RPS6KA2: variants seen among roughly 807,000 people sequenced by gnomAD.
RPS6KA2 encodes ribosomal protein S6 kinase alpha-2.
RPS6KA2 carries 42 observed loss-of-function variants against 91.8 expected under a neutral mutation model. The observed-to-expected ratio is 0.46, with a 90% CI of 0.36 to 0.59. The LOEUF is 0.59. RPS6KA2 is among the 20% of genes least tolerant of loss of function. The pLI is 0.00. For missense variants in RPS6KA2, 798 were observed against 978.5 expected (o/e 0.82, Z 2.46); for synonymous variants, 414 against 393.6 (o/e 1.05, Z -0.61).
chr6:166,851,444 C>T (rs572833903), intron 2 of RPS6KA2, among the ~76,000 whole-genome samples: 11 of 152,180 alleles, frequency 7.2e-5, no homozygotes, highest in South Asian at 2.1e-4. Context: ...TCTGGAGAAC[C>T]GGCGTTTTCT....
chr6:166,647,911 T>C lies in RPS6KA2; in HGVS notation c.124-109127A>G, dbSNP rs563488349. On this transcript the variant is annotated intron_variant, in intron 2 of 21. Coordinates refer to the RPS6KA2 transcript ENST00000503859. Reference sequence around the variant, plus strand: ...ATACATACACACATGCTCACACACATGCACATGCTCACACACACGCACATG... The same window carrying C: ...ATACATACACACATGCTCACACACACGCACATGCTCACACACACGCACATG... Among the ~76,000 whole-genome samples the C allele has an allele frequency of 1.1e-4, 12 of 113,870 alleles. No homozygotes were observed. In the East Asian group the frequency reaches 1.1e-3, roughly 10 times the overall value. The allele number at this position is 113,870 out of a possible 152,430, so 74.7% of individuals were successfully genotyped here. A position where few individuals can be genotyped will look rare whatever the true frequency, so the allele number is the denominator to read the frequency against.
In RPS6KA2 at chr6:166,662,981, G is replaced by C. The variant is rs1055445324; in HGVS notation, c.124-124197C>G. 6.6e-5 allele frequency among the ~76,000 whole-genome samples: 10 copies of C among 152,118 alleles called. No homozygotes were observed. The highest frequency in any genetic ancestry group is 2.4e-4 in the African/African-American group (10 of 41,418). ...GAGGCGCCATCTGCAAGCAAGAGGA[G>C]AGCCACGGAAGACACCAGCCCCACC... On this transcript the variant is annotated intron_variant, in intron 2 of 21. Coordinates refer to the RPS6KA2 transcript ENST00000503859. The surrounding 1 kb of genome is among the most constrained non-coding windows in gnomAD (Gnocchi z 4.3).
chr6:166,538,571 G>A, intron 2 of RPS6KA2, 97 bp downstream of exon 2: 1 of 703,236 alleles, frequency 1.4e-6, no homozygotes. Flanking sequence ...CAGCCCTGCA[G>A]GTGAGGACCG....
chr6:166,681,211 A>C (rs1425256967), intron 2 of RPS6KA2, among the ~76,000 whole-genome samples: 1 of 152,234 alleles, frequency 6.6e-6, no homozygotes, highest in East Asian at 1.9e-4. Context: ...GCAGGTTACA[A>C]CACTGTATCT....
At chr6:166,701,681 G>A in intron 2 of RPS6KA2, 4 of 1,280,220 alleles carry the variant, frequency 3.1e-6, no homozygotes, top group South Asian at 1.2e-5. Context: ...GAGGTGGGAG[G>A]TGGCATCCCT....
chr6:166,711,402 A>C (rs1401092226), intron 2 of RPS6KA2, among the ~76,000 whole-genome samples: 3 of 149,962 alleles, frequency 2.0e-5, no homozygotes, highest in Non-Finnish European at 4.4e-5. Flanking sequence ...GAAGATCTCA[A>C]ACAGAAAAAA....
At chr6:166,527,031 A>T (rs11961547) in intron 3 of RPS6KA2, among the ~76,000 whole-genome samples, 29,936 of 152,250 alleles carry the variant, frequency 0.2, 3,142 homozygotes, top group African/African-American at 0.26. Context: ...GATTATAAAC[A>T]GCCGTGGATA....
intron 2 of RPS6KA2, among the ~76,000 whole-genome samples, chr6:166,690,701 TG>T (rs372363259): frequency 8.9e-4 from 135 of 152,316 alleles, no homozygotes; most frequent in Middle Eastern, 6.8e-3. Context: ...TGAGACTCCC[TG>T]GGTTGCACTC....
rs984491317 is a variant in RPS6KA2, at chr6:166,451,329, G to C, written c.1076-96C>G. 3.7e-6 allele frequency: 5 copies of C among 1,350,762 alleles called. No homozygotes were observed. In the African/African-American group the frequency reaches 8.8e-5, roughly 24 times the overall value. 83.7% of individuals were successfully genotyped at this position (1,350,762 alleles called of 1,614,324 possible). On this transcript the variant is annotated intron_variant, in intron 12 of 20. Transcript: ENST00000265678. ...GTGTGCATGTGGTATGTGTGTGCAA[G>C]TCCGTGTGTGTGTGTGTGTGTGTGT...
chr6:166,529,142 T>C (rs1005836732), intron 3 of RPS6KA2, among the ~76,000 whole-genome samples: 4 of 152,224 alleles, frequency 2.6e-5, no homozygotes, highest in Non-Finnish European at 4.4e-5. Context: ...TGTGGCACTA[T>C]TCACCATAGC....
intron 2 of RPS6KA2, among the ~76,000 whole-genome samples, chr6:166,706,534 C>T (rs531002076): frequency 2.0e-5 from 3 of 152,306 alleles, no homozygotes; most frequent in East Asian, 3.9e-4. Context: ...CGTCCCCTGC[C>T]GTGACTGCAT....
intron 10 of RPS6KA2, among the ~76,000 whole-genome samples, chr6:166,488,149 C>T (rs1247918759): frequency 6.6e-6 from 1 of 152,122 alleles, no homozygotes; most frequent in Non-Finnish European, 1.5e-5. Flanking sequence ...CCTGAAACAC[C>T]CTGCTCCAGT....
chr6:166,752,230 A>C (rs1791309174), intron 2 of RPS6KA2, among the ~76,000 whole-genome samples: 1 of 152,240 alleles, frequency 6.6e-6, no homozygotes, highest in Admixed American at 6.5e-5. Context: ...GCCACAACCC[A>C]GGTCCTCTGT....
At chr6:166,840,420 G>A (rs1780438992) in intron 2 of RPS6KA2, among the ~76,000 whole-genome samples, 1 of 152,184 alleles carries the variant, frequency 6.6e-6, no homozygotes, top group Admixed American at 6.5e-5. Context: ...CTGAAAAACA[G>A]AGAAAGTTTG....
chr6:166,741,802 G>A (rs896374041), intron 2 of RPS6KA2, among the ~76,000 whole-genome samples: 5 of 152,270 alleles, frequency 3.3e-5, no homozygotes, highest in African/African-American at 1.2e-4. Context: ...GCATTCTTCT[G>A]CTCTCACCGT....
At position 166,667,648 on chromosome 6, in the gene RPS6KA2, G is replaced by C. The variant is rs560580505; in HGVS notation, c.124-128864C>G. Reference sequence around the variant, plus strand: ...GAGGACCACTTGGGTGGGTCTAAGAGAGTGACTGTGCACCCCGACCCCCTG... The same window carrying C: ...GAGGACCACTTGGGTGGGTCTAAGACAGTGACTGTGCACCCCGACCCCCTG... On this transcript the variant is annotated intron_variant, in intron 2 of 21. Transcript: ENST00000503859. Among the ~76,000 whole-genome samples, 16 of 152,316 alleles carry C rather than the reference G, an allele frequency of 1.1e-4. No individual in the cohort carries two copies. In the South Asian group the frequency reaches 2.9e-3, roughly 28 times the overall value.
intron 1 of RPS6KA2, among the ~76,000 whole-genome samples, chr6:166,602,006 G>A (rs1368133440): frequency 6.6e-6 from 1 of 152,200 alleles, no homozygotes; most frequent in Non-Finnish European, 1.5e-5. Context: ...AATATGTAAA[G>A]AACTCTTATA....
rs1208526622 is a variant in RPS6KA2 at position 166,508,588 on chromosome 6, T to C, written c.380-306A>G. ...TGAAAGATACACGGGGAGAAAGATG[T>C]GAATATTTAAGCTGGTATCGTTGCT... On this transcript the variant is annotated intron_variant, in intron 4 of 20. Transcript: ENST00000265678. This position sits in a 1 kb window ranked among gnomAD's most constrained non-coding sequence, Gnocchi z 4.3. Among the ~76,000 whole-genome samples the C allele has an allele frequency of 6.6e-6, 1 of 152,136 alleles. No individual in the cohort carries two copies. Among genetic ancestry groups the C allele is most frequent in the East Asian group, 1.9e-4 (1 of 5,198 alleles).
intron 2 of RPS6KA2, among the ~76,000 whole-genome samples, chr6:166,711,114 C>T (rs1419297806): frequency 6.6e-6 from 1 of 151,606 alleles, no homozygotes; most frequent in East Asian, 2.0e-4. Flanking sequence ...ACACTGAGGA[C>T]TCTGACCACT....
Sources: allele counts gnomAD v4.1 joint callset (sites outside exome capture counted in the v4.1 genomes callset), GRCh38; gene constraint gnomAD v4.1.1; non-coding constraint Gnocchi (gnomAD v3.1); transcripts MANE v1.5; gene names NCBI Gene and HGNC (gene_info 2026-07-23, HGNC 2026-07-21).